UBE2V1: variants seen among roughly 807,000 people sequenced by gnomAD.
UBE2V1 encodes ubiquitin-conjugating enzyme E2 variant 1.
In UBE2V1, 15 loss-of-function variants were observed where a neutral mutation model predicts 19.6. The observed-to-expected ratio is 0.77, with a 90% CI of 0.51 to 1.18. The LOEUF (loss-of-function observed/expected upper bound fraction) is 1.18. UBE2V1 is among the 50% of genes most tolerant of loss of function. UBE2V1 has a pLI of 0.00. For missense variants in UBE2V1, 125 were observed against 184.8 expected (o/e 0.68, Z 1.88); for synonymous variants, 60 against 60.7 (o/e 0.99, Z 0.05).
At chr20:50,115,729 C>G (rs1041315566), upstream of UBE2V1, 1 of 874,078 alleles carries the variant, frequency 1.1e-6, no homozygotes, top group Non-Finnish European at 1.5e-6. Flanking sequence ...TTAATCCTCA[C>G]AACTCGATGC....
chr20:50,086,744 T>G (rs1395514657), intron 2 of UBE2V1, among the ~76,000 whole-genome samples: 1 of 151,560 alleles, frequency 6.6e-6, no homozygotes, highest in East Asian at 1.9e-4. Context: ...AAAAAAAGCC[T>G]CAAGTCATCA....
At chr20:50,084,031 A>G in intron 3 of UBE2V1, 98 bp downstream of exon 3, 1 of 1,504,190 alleles carries the variant, frequency 6.6e-7, no homozygotes, top group Non-Finnish European at 8.9e-7. Context: ...CAAATAACCA[A>G]AGAACCTAGG....
chr20:50,088,100 T>TAA (rs11302479), intron 2 of UBE2V1, among the ~76,000 whole-genome samples: 5 of 109,140 alleles, frequency 4.6e-5, no homozygotes, highest in South Asian at 3.0e-4. Context: ...GTCTAATCAT[T>TAA]AAAAAAAAAA....
chr20:50,086,716 T>G (rs1002974976), intron 2 of UBE2V1, among the ~76,000 whole-genome samples: 1 of 152,094 alleles, frequency 6.6e-6, no homozygotes, highest in African/African-American at 2.4e-5. Context: ...TCTGGTAATT[T>G]CACTGGAAGA....
chr20:50,115,426 G>A, upstream of UBE2V1: 2 of 1,447,432 alleles, frequency 1.4e-6, no homozygotes, highest in African/African-American at 1.4e-5. Flanking sequence ...CCTGGACTTG[G>A]GGTCACTGTA....
chr20:50,091,030 T>C (rs1475034653), intron 2 of UBE2V1, among the ~76,000 whole-genome samples: 1 of 152,110 alleles, frequency 6.6e-6, no homozygotes, highest in Non-Finnish European at 1.5e-5. Flanking sequence ...TCTTATTCTA[T>C]ATACTCTGTA....
intron 2 of UBE2V1, among the ~76,000 whole-genome samples, chr20:50,093,987 CAAAAAAAAAAAA>C (rs60174191): frequency 1.8e-5 from 1 of 56,282 alleles, no homozygotes; most frequent in Non-Finnish European, 3.3e-5. Context: ...GACTCCAACT[CAAAAAAAAAAAA>C]AAAAAAAAAA....
intron 2 of UBE2V1, among the ~76,000 whole-genome samples, chr20:50,090,012 AG>A (rs2079131838): frequency 1.3e-5 from 2 of 152,178 alleles, no homozygotes; most frequent in Admixed American, 1.3e-4. Flanking sequence ...GCAGCAGCAG[AG>A]GGGGCACCTT....
At chr20:50,094,641 T>G (rs973045337) in intron 2 of UBE2V1, among the ~76,000 whole-genome samples, 1 of 152,114 alleles carries the variant, frequency 6.6e-6, no homozygotes, top group African/African-American at 2.4e-5. Flanking sequence ...CCACATACTG[T>G]AGAATTCCAT....
At chr20:50,113,085 C>T in intron 1 of UBE2V1, 22 bp downstream of exon 1, 1 of 1,211,836 alleles carries the variant, frequency 8.3e-7, no homozygotes. Context: ...CTCGGCCGGC[C>T]GGGCCCGGCG....
intron 2 of UBE2V1, among the ~76,000 whole-genome samples, chr20:50,089,032 G>A (rs2146998919): frequency 6.6e-6 from 1 of 152,138 alleles, no homozygotes; most frequent in East Asian, 1.9e-4. Context: ...TGGCAGTTAG[G>A]GATAAATCAG....
chr20:50,092,170 AAATT>A (rs748362883), intron 2 of UBE2V1, among the ~76,000 whole-genome samples: 6 of 151,268 alleles, frequency 4.0e-5, no homozygotes, highest in Admixed American at 6.6e-5. Flanking sequence ...AAAAATATAA[AAATT>A]AGCCGGGTGT....
chr20:50,084,213 A>G lies in UBE2V1; in HGVS notation c.213T>C (p.Cys71=), dbSNP rs1318244701. The change falls in exon 3 of 4, where the codon TGT becomes TGC. Residue 71 remains cysteine, a synonymous_variant. Transcript: ENST00000371674. ...ENRIYSLKIE[C]GPKYPEAPPF... ...GGGGTGCTTCTGGGTATTTAGGTCC[A>G]CATTCTATTTTAAGGCTGTATATTC... The G allele has an allele frequency of 5.6e-6, 9 of 1,612,162 alleles. No individual in the cohort carries two copies. In the East Asian group the frequency reaches 2.0e-4, roughly 36 times the overall value.
intron 1 of UBE2V1, chr20:50,111,427 T>G: frequency 4.0e-6 from 4 of 1,000,314 alleles, no homozygotes; most frequent in Non-Finnish European, 4.8e-6. Context: ...ACTGGGCCCC[T>G]TCGTTTATTA....
At chr20:50,089,614 C>T (rs1419282168) in intron 2 of UBE2V1, among the ~76,000 whole-genome samples, 5 of 152,188 alleles carry the variant, frequency 3.3e-5, no homozygotes, top group East Asian at 1.9e-4. Flanking sequence ...CTTGGAGTTT[C>T]CTAGCCAGCA....
At chr20:50,097,586 G>A (rs186973017) in intron 1 of UBE2V1, among the ~76,000 whole-genome samples, 51 of 152,294 alleles carry the variant, frequency 3.3e-4, no homozygotes, top group Admixed American at 7.8e-4. Flanking sequence ...GGCTATGGGA[G>A]GAGAGAGAGA....
chr20:50,111,437 A>ACGAC, intron 1 of UBE2V1: 2 of 1,000,288 alleles, frequency 2.0e-6, no homozygotes, highest in Non-Finnish European at 2.4e-6. Context: ...TTCGTTTATT[A>ACGAC]CGACCCGGTA....
At position 50,094,010 on chromosome 20, in the gene UBE2V1, AAAT is replaced by A. The variant is rs1322348656; in HGVS notation, c.171+2659_171+2661del. On this transcript the variant is annotated intron_variant, in intron 2 of 3. Transcript: ENST00000371674. Reference sequence around the variant, plus strand: ...CTCAAAAAAAAAAAAAAAAAAAAAAAAATAATAATAATAATAATAATAAAATAT... The same window carrying A: ...CTCAAAAAAAAAAAAAAAAAAAAAAAAATAATAATAATAATAATAAAATAT... 6.7e-3 allele frequency among the ~76,000 whole-genome samples: 633 copies of A among 94,534 alleles called. 6 individuals carry two copies. Among genetic ancestry groups the A allele is most frequent in the Non-Finnish European group, 8.8e-3 (467 of 52,814 alleles). The allele number at this position is 94,534 out of a possible 152,430, so 62.0% of individuals were successfully genotyped here.
At chr20:50,106,997 C>T (rs758512746) in intron 1 of UBE2V1, among the ~76,000 whole-genome samples, 3 of 152,084 alleles carry the variant, frequency 2.0e-5, no homozygotes, top group Admixed American at 6.6e-5. Context: ...GAATCTGATG[C>T]TGCTCCCACT....
Sources: gnomAD v4.1 joint callset for allele counts (sites outside exome capture counted in the v4.1 genomes callset) on GRCh38, gnomAD v4.1.1 for gene constraint, MANE v1.5 for transcripts, NCBI Gene and HGNC (gene_info 2026-07-23, HGNC 2026-07-21) for gene names.